The following SUMF1 variants were observed in gnomAD, a reference collection of about 807,000 sequenced individuals.
SUMF1 encodes the protein sulfatase modifying factor 1.
In SUMF1, 48 loss-of-function variants were observed where a neutral mutation model predicts 47.6. The observed-to-expected ratio is 1.01, with a 90% CI of 0.80 to 1.28. SUMF1 has a LOEUF of 1.28. SUMF1 is among the 50% of genes most tolerant of loss of function. The probability of loss-of-function intolerance (pLI) is 0.00; values close to 1 mark genes in which losing one functional copy is unlikely to be tolerated. For missense variants in SUMF1, 571 were observed against 485.4 expected (o/e 1.18, Z -1.66); for synonymous variants, 230 against 192.1 (o/e 1.20, Z -1.63).
At chr3:4,127,651 T>G (rs1236019986) in intron 8 of SUMF1, among the ~76,000 whole-genome samples, 1 of 152,128 alleles carries the variant, frequency 6.6e-6, no homozygotes, top group African/African-American at 2.4e-5. Flanking sequence ...CTTGTGATTG[T>G]GTGAGTTAAT....
chr3:4,129,888 T>A (rs4458350), intron 8 of SUMF1, among the ~76,000 whole-genome samples: 1 of 151,894 alleles, frequency 6.6e-6, no homozygotes, highest in East Asian at 1.9e-4. Flanking sequence ...TTCCCCAGTG[T>A]CAGAATGCAT....
At chr3:4,142,610 A>G (rs1401122250) in intron 8 of SUMF1, among the ~76,000 whole-genome samples, 2 of 152,148 alleles carry the variant, frequency 1.3e-5, no homozygotes, top group Non-Finnish European at 2.9e-5. Context: ...AAGGACTACA[A>G]AATACAGATA....
intron 8 of SUMF1, among the ~76,000 whole-genome samples, chr3:4,308,112 G>A (rs1698263049): frequency 6.6e-6 from 1 of 152,166 alleles, no homozygotes; most frequent in Non-Finnish European, 1.5e-5. Context: ...AGACAGTAAG[G>A]TAATACTTGA....
At chr3:4,318,465 A>G (rs927260109) in intron 8 of SUMF1, among the ~76,000 whole-genome samples, 14 of 152,238 alleles carry the variant, frequency 9.2e-5, no homozygotes, top group Non-Finnish European at 2.1e-4. Flanking sequence ...AAGGATATCT[A>G]TGAAGACCCA....
At position 4,174,011 on chromosome 3, in the gene SUMF1, C is replaced by T. The variant is rs1694898241; in HGVS notation, c.1015-105266G>A. ...CCTGCACATTCTGCACATGTATCTG[C>T]ACATGATTTACCCAGAATCATGTAA... On this transcript the variant is annotated intron_variant and NMD_transcript_variant, in intron 8 of 12. Transcript: ENST00000448413. Among the ~76,000 whole-genome samples the T allele has an allele frequency of 3.3e-5, 5 of 152,072 alleles. 1 individual carries two copies. The highest frequency in any genetic ancestry group is 3.3e-4 in the Admixed American group (5 of 15,276).
chr3:4,143,289 T>C (rs945944846), intron 8 of SUMF1, among the ~76,000 whole-genome samples: 5 of 152,132 alleles, frequency 3.3e-5, no homozygotes, highest in African/African-American at 1.2e-4. Context: ...TGCAGAAAAG[T>C]TGGTGCAAAT....
At chr3:4,385,347 T>A (rs1352140517) in intron 7 of SUMF1, among the ~76,000 whole-genome samples, 1 of 152,206 alleles carries the variant, frequency 6.6e-6, no homozygotes, top group African/African-American at 2.4e-5. Flanking sequence ...TGTATCTCCT[T>A]ATGGTTTTAA....
intron 8 of SUMF1, among the ~76,000 whole-genome samples, chr3:4,235,992 G>A (rs550499998): frequency 5.9e-5 from 9 of 152,104 alleles, no homozygotes; most frequent in African/African-American, 1.7e-4. Flanking sequence ...ATACAGGTTG[G>A]AGTTCAGCGA....
intron 8 of SUMF1, chr3:4,313,086 T>C: frequency 6.2e-7 from 1 of 1,613,962 alleles, no homozygotes; most frequent in South Asian, 1.1e-5. Flanking sequence ...CAGAGCCTGT[T>C]TTTGAATGCA....
intron 2 of SUMF1, among the ~76,000 whole-genome samples, chr3:4,450,663 G>A (rs535795539): frequency 1.3e-5 from 2 of 152,154 alleles, no homozygotes; most frequent in Middle Eastern, 6.8e-3. Context: ...GCCAAACAAC[G>A]AATGGAAGAC....
intron 9 of SUMF1, among the ~76,000 whole-genome samples, chr3:4,036,939 C>T (rs1694811304): frequency 6.7e-6 from 1 of 150,126 alleles, no homozygotes; most frequent in South Asian, 2.1e-4. Context: ...GGAACCAACA[C>T]ACTGTTCTGA....
chr3:4,174,397 A>C (rs1472058299), intron 8 of SUMF1, among the ~76,000 whole-genome samples: 2 of 151,198 alleles, frequency 1.3e-5, no homozygotes, highest in Admixed American at 1.3e-4. Context: ...CCCAGTTTGG[A>C]AATTAAACCT....
chr3:4,391,982 C>G (rs1390076686), intron 7 of SUMF1, among the ~76,000 whole-genome samples: 4 of 152,044 alleles, frequency 2.6e-5, no homozygotes, highest in Non-Finnish European at 5.9e-5. Context: ...ATGTGCACCA[C>G]CATACCTGGC....
At chr3:4,394,826 A>G (rs1301000311) in intron 7 of SUMF1, among the ~76,000 whole-genome samples, 1 of 152,194 alleles carries the variant, frequency 6.6e-6, no homozygotes, top group Non-Finnish European at 1.5e-5. Flanking sequence ...TGTGATGAAG[A>G]GCACTAGCTT....
chr3:4,160,904 A>C (rs573340790), intron 8 of SUMF1, among the ~76,000 whole-genome samples: 1 of 152,190 alleles, frequency 6.6e-6, no homozygotes, highest in African/African-American at 2.4e-5. Flanking sequence ...GTGTCTGGAC[A>C]TTGAAGAGTT....
chr3:4,147,999 G>A (rs1337351101), intron 8 of SUMF1, among the ~76,000 whole-genome samples: 2 of 152,028 alleles, frequency 1.3e-5, no homozygotes, highest in Non-Finnish European at 2.9e-5. Context: ...GGGAAATTGA[G>A]GGTGCATGAA....
chr3:4,464,172 G>A (rs1246173244), intron 1 of SUMF1, among the ~76,000 whole-genome samples: 1 of 152,114 alleles, frequency 6.6e-6, no homozygotes, highest in African/African-American at 2.4e-5. Context: ...TTTCCACAAT[G>A]TGCCATGTGT....
chr3:4,406,128 G>A (rs1438451852), intron 7 of SUMF1, among the ~76,000 whole-genome samples: 1 of 151,730 alleles, frequency 6.6e-6, no homozygotes, highest in African/African-American at 2.4e-5. Flanking sequence ...ATTATAATTA[G>A]ATAGCCAAAA....
At chr3:4,167,631 GA>G (rs1694738821) in intron 8 of SUMF1, among the ~76,000 whole-genome samples, 1 of 152,144 alleles carries the variant, frequency 6.6e-6, no homozygotes, top group Admixed American at 6.5e-5. Context: ...TTGTAAGACA[GA>G]AAAGTTCTCC....
Sources: allele counts gnomAD v4.1 joint callset (sites outside exome capture counted in the v4.1 genomes callset), GRCh38; gene constraint gnomAD v4.1.1; transcripts MANE v1.5; gene names NCBI Gene and HGNC (gene_info 2026-07-23, HGNC 2026-07-21).